The following SEL1L variants were observed in gnomAD, a reference collection of about 807,000 sequenced individuals.
SEL1L encodes the protein SEL1L adaptor subunit of SYVN1 ubiquitin ligase.
Under a neutral mutation model 109.8 loss-of-function variants are expected in SEL1L, and 52 were observed. The ratio of observed to expected loss-of-function variants is 0.47; its 90% CI spans 0.38 to 0.60. The LOEUF (loss-of-function observed/expected upper bound fraction) is 0.60. Ranked by LOEUF, SEL1L falls within the 20% of genes least tolerant of loss-of-function variation. The probability of loss-of-function intolerance (pLI) is 0.00; values close to 1 mark genes in which losing one functional copy is unlikely to be tolerated. For synonymous variants in SEL1L, 373 were observed against 339.6 expected, an observed-to-expected ratio of 1.10 and a Z score of -1.08; for missense variants, 749 against 962.2, an observed-to-expected ratio of 0.78 and a Z score of 2.93.
At chr14:81,530,359 C>A (rs1368532685) in intron 1 of SEL1L, among the ~76,000 whole-genome samples, 1 of 152,192 alleles carries the variant, frequency 6.6e-6, no homozygotes, top group Non-Finnish European at 1.5e-5. Context: ...GGTTCAGTAA[C>A]AAAAGCTTGC....
chr14:81,503,542 C>CTGCCCAGAT (rs1884106410), intron 5 of SEL1L, among the ~76,000 whole-genome samples: 1 of 152,056 alleles, frequency 6.6e-6, no homozygotes, highest in Non-Finnish European at 1.5e-5. Context: ...TTGCACTATG[C>CTGCCCAGAT]TGCCCAGATT....
chr14:81,525,212 T>C (rs748092359), intron 3 of SEL1L, among the ~76,000 whole-genome samples: 41 of 151,974 alleles, frequency 2.7e-4, no homozygotes, highest in Non-Finnish European at 5.0e-4. Flanking sequence ...TGAGTGAGGG[T>C]TGGTAAGGGG....
chr14:81,488,987 G>T, intron 14 of SEL1L: 2 of 474,428 alleles, frequency 4.2e-6, no homozygotes, highest in Non-Finnish European at 7.4e-6. Context: ...TAGAGGACGT[G>T]GGGTAGAGAG....
chr14:81,526,239 T>G (rs1346440750), intron 3 of SEL1L, among the ~76,000 whole-genome samples: 1 of 152,140 alleles, frequency 6.6e-6, no homozygotes, highest in Non-Finnish European at 1.5e-5. Context: ...GTTTCAAGAT[T>G]GTGAAAGTTA....
intron 18 of SEL1L, 69 bp downstream of exon 18, chr14:81,485,603 T>C (rs2045107679): frequency 1.5e-6 from 2 of 1,312,744 alleles, no homozygotes; most frequent in Non-Finnish European, 2.2e-6. Context: ...CATGATTTAA[T>C]GTTCATGGGA....
chr14:81,484,091 A>G, intron 19 of SEL1L, 134 bp downstream of exon 19: 1 of 874,554 alleles, frequency 1.1e-6, no homozygotes, highest in Non-Finnish European at 1.8e-6. Context: ...CTTCTGAAAT[A>G]TTACAAATCA....
chr14:81,504,116 A>C, intron 5 of SEL1L, 85 bp downstream of exon 5: 33 of 676,378 alleles, frequency 4.9e-5, no homozygotes, highest in African/African-American at 7.4e-5. Flanking sequence ...CGTCTCTGGC[A>C]GTGCACTTTT....
chr14:81,485,363 C>T (rs150951755), intron 18 of SEL1L, among the ~76,000 whole-genome samples: 1,747 of 152,204 alleles, frequency 0.011, 43 homozygotes, highest in African/African-American at 0.04. Flanking sequence ...GTAACCTCTG[C>T]CTCCCAGGTT....
Position 81,504,313 on chromosome 14 carries a change from A to G in SEL1L, c.509-7T>C. 6.3e-7 allele frequency: 1 copy of G among 1,576,106 alleles called. No individual in the cohort carries two copies. The highest frequency in any genetic ancestry group is 2.3e-5 in the East Asian group (1 of 42,876). On this transcript the variant is annotated splice_polypyrimidine_tract_variant and splice_region_variant and intron_variant, in intron 4 of 20. Coordinates refer to ENST00000336735, the MANE Select transcript of SEL1L (RefSeq NM_005065.6). ...TTAGCAGCCTCTTCTTCAGCTAAAA[A>G]CAAAACGTCAGATGCATTTAAATGG...
At position 81,495,068 on chromosome 14, in the gene SEL1L, A is replaced by G; in HGVS notation, c.1185+13T>C. On this transcript the variant is annotated intron_variant, in intron 11 of 20. Coordinates refer to ENST00000336735, the MANE Select transcript of SEL1L (RefSeq NM_005065.6). ...AAAACTGAGATGCAAAGCCCTAGGA[A>G]CAGGGTAGTTACCTGATGATTCTGT... 2 of 1,612,928 alleles carry G rather than the reference A, an allele frequency of 1.2e-6. No homozygotes were observed. Among genetic ancestry groups the G allele is most frequent in the East Asian group, 2.2e-5 (1 of 44,868 alleles).
At position 81,533,827 on chromosome 14, in the gene SEL1L, C is replaced by T. The variant is rs2140073324; in HGVS notation, c.-83G>A. On this transcript the variant is annotated 5_prime_UTR_variant, in exon 1 of 21. Transcript: ENST00000336735. ...GGACTCAGCCACCACCGCCGCCTCG[C>T]CGCTGCTCTTCCTGCTCTAGTCTCC... The T allele has an allele frequency of 1.5e-6, 2 of 1,367,582 alleles. No individual in the cohort carries two copies. The highest frequency in any genetic ancestry group is 1.8e-4 in the Middle Eastern group (1 of 5,640). The allele number at this position is 1,367,582 out of a possible 1,614,324, so 84.7% of individuals were successfully genotyped here.
Position 81,474,386 on chromosome 14 carries a change from G to A in SEL1L, c.*2586C>T, listed in dbSNP as rs1566967431. The A allele has an allele frequency of 6.6e-6, 1 of 152,154 alleles. No individual in the cohort carries two copies. Among genetic ancestry groups the A allele is most frequent in the Non-Finnish European group, 1.5e-5 (1 of 68,016 alleles). 9.4% of individuals were successfully genotyped at this position (152,154 alleles called of 1,614,324 possible). On this transcript the variant is annotated 3_prime_UTR_variant, in exon 21 of 21. Coordinates refer to ENST00000336735, the MANE Select transcript of SEL1L (RefSeq NM_005065.6). ...GGGTTTTACTGTCATCAAGTTCGAA[G>A]GCAGGAAGACAGACTAGAAAAGGTC...
At chr14:81,499,757 G>C in intron 6 of SEL1L, 95 bp from the exon 7 acceptor site, 1 of 887,070 alleles carries the variant, frequency 1.1e-6, no homozygotes, top group Non-Finnish European at 1.7e-6. Flanking sequence ...ATGAAAAAAT[G>C]CAAGAGTCTT....
Position 81,475,805 on chromosome 14 carries a change from C to T in SEL1L, c.*1167G>A, listed in dbSNP as rs1903141760. 1 of 152,146 alleles carries T rather than the reference C, an allele frequency of 6.6e-6. No individual in the cohort carries two copies. The highest frequency in any genetic ancestry group is 2.1e-4 in the South Asian group (1 of 4,822). The allele number at this position is 152,146 out of a possible 1,614,324, so 9.4% of individuals were successfully genotyped here. ...GAAAATGGTGACTATGATAGCTAAG[C>T]AGTGGCTGGCTTTCTATTATAATAT... On this transcript the variant is annotated 3_prime_UTR_variant, in exon 21 of 21. Coordinates refer to ENST00000336735, the MANE Select transcript of SEL1L (RefSeq NM_005065.6).
chr14:81,514,402 T>C (rs1884615088), intron 3 of SEL1L, among the ~76,000 whole-genome samples: 1 of 152,186 alleles, frequency 6.6e-6, no homozygotes, highest in Non-Finnish European at 1.5e-5. Context: ...TTATAGGACA[T>C]GGGTAAAATC....
At position 81,485,739 on chromosome 14, in the gene SEL1L, T is replaced by C. The variant is rs761039518; in HGVS notation, c.1806A>G (p.Ala602=). Residue 602 remains alanine, a synonymous_variant, in exon 18 of 21, where the codon GCA becomes GCG. Coordinates refer to ENST00000336735, the MANE Select transcript of SEL1L (RefSeq NM_005065.6). ...AAGTTTCATTCTCACCTACAATGCTTGCTTCTCCTACAGGAAAAGAAATGA... is the reference window on the plus strand; with the variant it reads ...AAGTTTCATTCTCACCTACAATGCTCGCTTCTCCTACAGGAAAAGAAATGA... The part of the protein sequence containing the change: ...NAAFILDQRE[A]SIVGENETYP... 1.7e-5 allele frequency: 27 copies of C among 1,613,846 alleles called. 1 individual carries two copies. The Middle Eastern group carries it at 8.3e-4, about 50-fold the overall frequency.
chr14:81,516,029 TA>T (rs1206551997), intron 3 of SEL1L, among the ~76,000 whole-genome samples: 1 of 152,096 alleles, frequency 6.6e-6, no homozygotes, highest in Non-Finnish European at 1.5e-5. Context: ...AAGGACACTT[TA>T]AAAAATTGTC....
intron 3 of SEL1L, among the ~76,000 whole-genome samples, chr14:81,517,040 G>C (rs1884728164): frequency 6.6e-6 from 1 of 152,194 alleles, no homozygotes. Flanking sequence ...AGTGGGATTT[G>C]CTAGAATGAC....
chr14:81,527,675 T>G, intron 2 of SEL1L, 26 bp downstream of exon 2: 4 of 1,546,286 alleles, frequency 2.6e-6, no homozygotes, highest in Non-Finnish European at 3.5e-6. Flanking sequence ...CAGCAAATAC[T>G]GGCCAATACA....
Sources: gnomAD v4.1 joint callset for allele counts (sites outside exome capture counted in the v4.1 genomes callset) on GRCh38, gnomAD v4.1.1 for gene constraint, MANE v1.5 for transcripts, NCBI Gene and HGNC (gene_info 2026-07-23, HGNC 2026-07-21) for gene names.